Variants in SH3RF2 observed in about 807,000 individuals in gnomAD.
The protein encoded by SH3RF2 is SH3 domain containing ring finger 2.
Under a neutral mutation model 59.0 loss-of-function variants are expected in SH3RF2, and 43 were observed. The observed-to-expected ratio is 0.73, with a 90% CI of 0.57 to 0.94. SH3RF2 has a LOEUF of 0.94. SH3RF2 is among the 40% of genes least tolerant of loss of function. The pLI is 0.00. For missense variants in SH3RF2, 930 were observed against 940.1 expected (o/e 0.99, Z 0.14); for synonymous variants, 391 against 391.5 (o/e 1.00, Z 0.01).
intron 2 of SH3RF2, among the ~76,000 whole-genome samples, chr5:145,976,255 T>C (rs1759289678): frequency 6.6e-6 from 1 of 152,072 alleles, no homozygotes; most frequent in South Asian, 2.1e-4. Flanking sequence ...CTTAGGCAGG[T>C]TAGTTCACCT....
intron 2 of SH3RF2, chr5:145,997,324 TC>T: frequency 9.0e-7 from 1 of 1,114,686 alleles, no homozygotes; most frequent in South Asian, 1.2e-5. Context: ...CCAGAGCAGC[TC>T]CCCGTATATA....
chr5:146,072,001 G>C (rs1418427784), intron 9 of SH3RF2, among the ~76,000 whole-genome samples: 1 of 152,204 alleles, frequency 6.6e-6, no homozygotes, highest in African/African-American at 2.4e-5. Flanking sequence ...AGTGAGAGGA[G>C]AGAACAGTGA....
At chr5:145,943,569 A>G (rs1008933252) in intron 2 of SH3RF2, among the ~76,000 whole-genome samples, 1 of 152,094 alleles carries the variant, frequency 6.6e-6, no homozygotes, top group African/African-American at 2.4e-5. Flanking sequence ...ATTTCCTTTC[A>G]TTTCTATGTG....
At chr5:145,997,023 CA>C (rs1393087511) in intron 2 of SH3RF2, among the ~76,000 whole-genome samples, 1 of 152,142 alleles carries the variant, frequency 6.6e-6, no homozygotes, top group Non-Finnish European at 1.5e-5. Context: ...AAACCTTGGC[CA>C]AAAGGGTCAT....
At chr5:146,073,490 A>C (rs1763277692) in intron 9 of SH3RF2, among the ~76,000 whole-genome samples, 2 of 152,200 alleles carry the variant, frequency 1.3e-5, no homozygotes. Context: ...ACAGAAATTA[A>C]ATGTCCCTGG....
At chr5:145,984,170 C>T (rs1190083301) in intron 2 of SH3RF2, among the ~76,000 whole-genome samples, 2 of 151,944 alleles carry the variant, frequency 1.3e-5, no homozygotes, top group African/African-American at 4.8e-5. Context: ...ATTGTAGGCA[C>T]TCAGTACTTT....
downstream of SH3RF2, among the ~76,000 whole-genome samples, chr5:146,064,864 G>GAAAGAAAGAA (rs59357428): frequency 0.16 from 11,267 of 68,864 alleles, 3,323 homozygotes; most frequent in East Asian, 0.22. Context: ...AAGAAAGAAA[G>GAAAGAAAGAA]AGAAAGAAAA....
At chr5:146,058,915 G>A (rs1200713726) in intron 8 of SH3RF2, among the ~76,000 whole-genome samples, 1 of 151,314 alleles carries the variant, frequency 6.6e-6, no homozygotes, top group African/African-American at 2.4e-5. Context: ...AGCTCAGGAA[G>A]GGACAAAACC....
intron 4 of SH3RF2, among the ~76,000 whole-genome samples, chr5:146,004,402 C>T (rs1760550967): frequency 6.6e-6 from 1 of 152,096 alleles, no homozygotes; most frequent in Non-Finnish European, 1.5e-5. Context: ...TAAACTTATA[C>T]CAAAAATATT....
At chr5:145,982,188 G>T (rs980241757) in intron 2 of SH3RF2, among the ~76,000 whole-genome samples, 3 of 152,200 alleles carry the variant, frequency 2.0e-5, no homozygotes, top group Non-Finnish European at 4.4e-5. Context: ...CTCCTAGGAG[G>T]AAAATTGAGG....
chr5:146,065,304 A>G (rs1763077228), downstream of SH3RF2, among the ~76,000 whole-genome samples: 2 of 152,212 alleles, frequency 1.3e-5, no homozygotes, highest in Non-Finnish European at 2.9e-5. Context: ...ATAAAGTCCC[A>G]AGGACAGGGA....
chr5:146,039,354 C>T (rs1762049144), intron 5 of SH3RF2, among the ~76,000 whole-genome samples: 1 of 151,876 alleles, frequency 6.6e-6, no homozygotes, highest in Admixed American at 6.6e-5. Flanking sequence ...AAAATACAAG[C>T]TACAAAGAAT....
chr5:146,069,248 G>A (rs182051568), intron 9 of SH3RF2, among the ~76,000 whole-genome samples: 16 of 152,292 alleles, frequency 1.1e-4, no homozygotes, highest in African/African-American at 2.9e-4. Flanking sequence ...AACATGTCTG[G>A]TTTTGAGAAT....
intron 9 of SH3RF2, among the ~76,000 whole-genome samples, chr5:146,061,404 A>G (rs1212022194): frequency 6.6e-6 from 1 of 152,206 alleles, no homozygotes; most frequent in Non-Finnish European, 1.5e-5. Context: ...ATTCTGAATT[A>G]TAGAAATAAT....
In SH3RF2 at chr5:145,963,901, C is replaced by T. The variant is rs1214505494; in HGVS notation, c.378+25595C>T. ...AGGCTGGAGTGCAGTGCCGCAATCT[C>T]GGCTCACTGCAAACTCCGCCTCCCG... On this transcript the variant is annotated intron_variant, in intron 2 of 9. Coordinates refer to ENST00000359120, the MANE Select transcript of SH3RF2 (RefSeq NM_152550.4). Among the ~76,000 whole-genome samples the T allele has an allele frequency of 2.7e-5, 4 of 150,596 alleles. No individual in the cohort carries two copies. In the South Asian group the frequency reaches 6.3e-4, roughly 24 times the overall value.
intron 2 of SH3RF2, among the ~76,000 whole-genome samples, chr5:145,979,715 C>T (rs1018303102): frequency 1.3e-5 from 2 of 152,204 alleles, no homozygotes; most frequent in African/African-American, 4.8e-5. Flanking sequence ...ACTCAATTTC[C>T]TTATCTGTCA....
At chr5:146,020,977 C>T (rs1761298715) in intron 5 of SH3RF2, among the ~76,000 whole-genome samples, 2 of 152,100 alleles carry the variant, frequency 1.3e-5, no homozygotes, top group South Asian at 4.2e-4. Context: ...GCTGACTGTC[C>T]TTTTAACCCC....
chr5:145,950,538 A>G (rs190771712), intron 2 of SH3RF2, among the ~76,000 whole-genome samples: 26 of 152,308 alleles, frequency 1.7e-4, no homozygotes, highest in Middle Eastern at 6.8e-3. Context: ...AGAGAGGGAA[A>G]CAGGAGAAGG....
rs953236646 is a variant in SH3RF2, at chr5:146,037,985, C to T, written c.1060-9787C>T. On this transcript the variant is annotated intron_variant, in intron 5 of 9. Coordinates refer to ENST00000359120, the MANE Select transcript of SH3RF2 (RefSeq NM_152550.4). ...GCAGGGAAATGGCATATATCATGAT[C>T]AAGTTGGGTTTTTCTCCAAGATTGA... Among the ~76,000 whole-genome samples the T allele has an allele frequency of 2.0e-5, 3 of 152,136 alleles. No homozygotes were observed. In the East Asian group the frequency reaches 5.8e-4, roughly 29 times the overall value.
Sources: gnomAD v4.1 joint callset for allele counts (sites outside exome capture counted in the v4.1 genomes callset) on GRCh38, gnomAD v4.1.1 for gene constraint, MANE v1.5 for transcripts, NCBI Gene and HGNC (gene_info 2026-07-23, HGNC 2026-07-21) for gene names.